The following UROS variants were observed in gnomAD, a reference collection of about 807,000 sequenced individuals.
UROS encodes uroporphyrinogen III synthase.
In UROS, 18 loss-of-function variants were observed where a neutral mutation model predicts 33.0. The ratio of observed to expected loss-of-function variants is 0.55; its 90% CI spans 0.38 to 0.81. The LOEUF is 0.81. Among genes scored for constraint, UROS ranks in the 30% least tolerant of loss-of-function variants. The pLI is 0.00. For missense variants in UROS, 293 were observed against 314.9 expected, an observed-to-expected ratio of 0.93 and a Z score of 0.53; for synonymous variants, 114 against 121.1, an observed-to-expected ratio of 0.94 and a Z score of 0.38.
At chr10:125,800,319 T>C (rs1431057509) in intron 6 of UROS, among the ~76,000 whole-genome samples, 1 of 152,216 alleles carries the variant, frequency 6.6e-6, no homozygotes. Context: ...CCTTTCCCAA[T>C]TGATTCTTTC....
intron 6 of UROS, among the ~76,000 whole-genome samples, chr10:125,805,673 A>G (rs1415825918): frequency 1.3e-5 from 2 of 152,200 alleles, no homozygotes; most frequent in Non-Finnish European, 2.9e-5. Context: ...TTACATTTAA[A>G]TAGCCGTATG....
At chr10:125,809,878 T>G (rs1385294565) in intron 5 of UROS, among the ~76,000 whole-genome samples, 1 of 152,232 alleles carries the variant, frequency 6.6e-6, no homozygotes, top group Non-Finnish European at 1.5e-5. Context: ...ATGTACTTTT[T>G]GCCATCTATT....
rs964567352 is a variant in UROS, at chr10:125,796,247, A to G, written c.476-59T>C. 4 of 1,518,086 alleles carry G rather than the reference A, an allele frequency of 2.6e-6. No homozygotes were observed. In the African/African-American group the frequency reaches 5.5e-5, roughly 21 times the overall value. 94.0% of individuals were successfully genotyped at this position (1,518,086 alleles called of 1,614,324 possible). A position where few individuals can be genotyped will look rare whatever the true frequency, so the allele number is the denominator to read the frequency against. ...GCACTGGGCACACAATGGGGCCTCC[A>G]CCACTTCACAGCACAGTTGGTGAAA... is the stretch of plus-strand genomic sequence containing the variant. On this transcript the variant is annotated intron_variant, in intron 7 of 9. Coordinates refer to ENST00000368797, the MANE Select transcript of UROS (RefSeq NM_000375.3).
At chr10:125,790,408 C>T (rs1850832208) in intron 9 of UROS, among the ~76,000 whole-genome samples, 1 of 151,968 alleles carries the variant, frequency 6.6e-6, no homozygotes, top group Non-Finnish European at 1.5e-5. Context: ...ACACCCGAAG[C>T]ACAAGAAACA....
At chr10:125,792,893 A>C (rs7096405) in intron 9 of UROS, 151,600 of 152,652 alleles carry the variant, frequency 0.99, 75,280 homozygotes, top group East Asian at 1. Context: ...ACAACTCACA[A>C]CCCACACACA....
intron 6 of UROS, among the ~76,000 whole-genome samples, chr10:125,801,699 G>A (rs1164767472): frequency 6.6e-6 from 1 of 152,208 alleles, no homozygotes; most frequent in Non-Finnish European, 1.5e-5. Context: ...TAGAGGAAAT[G>A]GCAGAAGTTT....
intron 6 of UROS, among the ~76,000 whole-genome samples, chr10:125,801,669 T>C (rs1851849195): frequency 6.6e-6 from 1 of 152,252 alleles, no homozygotes; most frequent in Non-Finnish European, 1.5e-5. Flanking sequence ...TTAGGACCCA[T>C]AGATATGCTG....
intron 3 of UROS, among the ~76,000 whole-genome samples, chr10:125,815,698 C>T (rs1215525775): frequency 2.0e-5 from 3 of 152,234 alleles, no homozygotes; most frequent in African/African-American, 7.2e-5. Flanking sequence ...ATTTTTATCA[C>T]TCCTCACTGG....
At chr10:125,791,778 G>A (rs1404534959) in intron 9 of UROS, 1 of 152,190 alleles carries the variant, frequency 6.6e-6, no homozygotes, top group Non-Finnish European at 1.5e-5. Context: ...AATCCATGGA[G>A]ATGAAAAACA....
In UROS at chr10:125,806,818, G is replaced by T. The variant is rs562413297; in HGVS notation, c.394+595C>A. Among the ~76,000 whole-genome samples the T allele has an allele frequency of 2.9e-4, 44 of 152,310 alleles. 2 individuals are homozygous for T. The South Asian group carries it at 8.7e-3, about 30-fold the overall frequency. On this transcript the variant is annotated intron_variant, in intron 6 of 9. Transcript: ENST00000368797. ...AAGGGAGATGCACCTTAGAGGTGGG[G>T]CTGCCCTACAAGTAGACGGTCAGCC... is the stretch of plus-strand genomic sequence containing the variant.
At position 125,806,543 on chromosome 10, in the gene UROS, C is replaced by T. The variant is rs183016763; in HGVS notation, c.394+870G>A. 2.3e-3 allele frequency among the ~76,000 whole-genome samples: 350 copies of T among 152,358 alleles called. 1 individual carries two copies. Among genetic ancestry groups the T allele is most frequent in the Non-Finnish European group, 4.4e-3 (296 of 68,040 alleles). ...TTTATTTCCTATGGCTGCTCTCATG[C>T]TTCTGTTGCAGAGATTAGTAGTTCT... On this transcript the variant is annotated intron_variant, in intron 6 of 9. Coordinates refer to ENST00000368797, the MANE Select transcript of UROS (RefSeq NM_000375.3).
chr10:125,786,277 C>T (rs922717084), downstream of UROS, among the ~76,000 whole-genome samples: 4 of 150,938 alleles, frequency 2.7e-5, no homozygotes, highest in Non-Finnish European at 4.4e-5. Flanking sequence ...TGCACATGAA[C>T]CTTTTTTTTT....
intron 4 of UROS, 28 bp from the exon 5 acceptor site, chr10:125,812,316 T>C: frequency 6.2e-7 from 1 of 1,607,144 alleles, no homozygotes; most frequent in Non-Finnish European, 8.5e-7. Context: ...ATATGTGAAT[T>C]GCAAATACCA....
rs571417361 is a variant in UROS, at chr10:125,802,600, C to G, written c.395-4455G>C. 37 of 1,037,314 alleles carry G rather than the reference C, an allele frequency of 3.6e-5. No homozygotes were observed. The African/African-American group carries it at 5.9e-4, about 17-fold the overall frequency. The allele number at this position is 1,037,314 out of a possible 1,614,324, so 64.3% of individuals were successfully genotyped here. On this transcript the variant is annotated intron_variant, in intron 6 of 9. Transcript: ENST00000368797. ...GTGGCCAGAGAAGCACAGGGCCAAC[C>G]GTCTTTACTAGCAGCAAATGGTGAA...
chr10:125,787,271 G>A (rs1850658729), downstream of UROS, among the ~76,000 whole-genome samples: 1 of 152,202 alleles, frequency 6.6e-6, no homozygotes, highest in Non-Finnish European at 1.5e-5. Flanking sequence ...CTGCAACAGG[G>A]TGTTTTTCCT....
chr10:125,812,302 AATG>A lies in UROS; in HGVS notation c.245-17_245-15del. On this transcript the variant is annotated splice_polypyrimidine_tract_variant and intron_variant, in intron 4 of 9. Coordinates refer to ENST00000368797, the MANE Select transcript of UROS (RefSeq NM_000375.3). The stretch of plus-strand genomic sequence containing the variant: ...ACCTTTCCCAGACTGTAAAACATGA[AATG>A]ATATGTGAATTGCAAATACCAAAGT... 1.2e-6 allele frequency: 2 copies of A among 1,612,856 alleles called. No individual in the cohort carries two copies. Among genetic ancestry groups the A allele is most frequent in the Non-Finnish European group, 1.7e-6 (2 of 1,179,300 alleles).
At chr10:125,804,042 C>G (rs1852096006) in intron 6 of UROS, among the ~76,000 whole-genome samples, 3 of 152,202 alleles carry the variant, frequency 2.0e-5, no homozygotes, top group Admixed American at 2.0e-4. Context: ...CTTGGAACTT[C>G]CCATTAGAGG....
At chr10:125,790,392 G>C (rs1435504778) in intron 9 of UROS, among the ~76,000 whole-genome samples, 1 of 152,020 alleles carries the variant, frequency 6.6e-6, no homozygotes, top group East Asian at 1.9e-4. Context: ...TGGTTTCTTG[G>C]ATACAACACC....
intron 6 of UROS, among the ~76,000 whole-genome samples, chr10:125,803,873 G>C (rs1852069185): frequency 6.6e-6 from 1 of 152,270 alleles, no homozygotes; most frequent in Admixed American, 6.5e-5. Flanking sequence ...GCTACTGCCT[G>C]AGGGAGGGCC....
Sources: gnomAD v4.1 joint callset for allele counts (sites outside exome capture counted in the v4.1 genomes callset) on GRCh38, gnomAD v4.1.1 for gene constraint, MANE v1.5 for transcripts, NCBI Gene and HGNC (gene_info 2026-07-23, HGNC 2026-07-21) for gene names.